The following LRRN1 variants were observed in gnomAD, a reference collection of about 807,000 sequenced individuals.
LRRN1 encodes leucine rich repeat neuronal 1.
Under a neutral mutation model 45.8 loss-of-function variants are expected in LRRN1, and 14 were observed. The observed-to-expected ratio is 0.31, with a 90% CI of 0.20 to 0.48. The LOEUF is 0.48. Among genes scored for constraint, LRRN1 ranks in the 20% least tolerant of loss-of-function variants. The probability of loss-of-function intolerance (pLI) is 0.99; values close to 1 mark genes in which losing one functional copy is unlikely to be tolerated. For synonymous variants in LRRN1, 359 were observed against 330.1 expected, an observed-to-expected ratio of 1.09 and a Z score of -0.95; for missense variants, 789 against 874.2, an observed-to-expected ratio of 0.90 and a Z score of 1.23.
intron 1 of LRRN1, among the ~76,000 whole-genome samples, chr3:3,841,569 A>C (rs1693655055): frequency 6.6e-6 from 1 of 151,850 alleles, no homozygotes; most frequent in Non-Finnish European, 1.5e-5. Context: ...CCCAGGCTGG[A>C]GTGCAGTGGC....
intron 1 of LRRN1, among the ~76,000 whole-genome samples, chr3:3,834,525 G>GCTATATATATATATATAT (rs1693444901): frequency 3.7e-5 from 1 of 27,310 alleles, no homozygotes; most frequent in Non-Finnish European, 9.9e-5. Context: ...GACAGAACAG[G>GCTATATATATATATATAT]ATATATATAT....
rs1486679548 is a variant in LRRN1, at chr3:3,845,157, C to T, written c.516C>T (p.Leu172=). 6 of 1,614,160 alleles carry T rather than the reference C, an allele frequency of 3.7e-6. No individual in the cohort carries two copies. In the African/African-American group the frequency reaches 8.0e-5, roughly 22 times the overall value. The part of the protein sequence containing the change: ...AFAGLKNLLR[L]HLNSNKLKVI... ...CAGGCTTAAAAAATCTATTAAGGCT[C>T]CACCTGAACTCCAACAAATTGAAAG... Residue 172 remains leucine (L), a synonymous_variant, in exon 2 of 2, where the codon CTC becomes CTT. Transcript: ENST00000319331. The surrounding 1 kb of genome is among the most constrained non-coding windows in gnomAD (Gnocchi z 6.5).
rs189495997 is a variant in LRRN1 at position 3,834,502 on chromosome 3, G to A, written c.-278-9862G>A. On this transcript the variant is annotated intron_variant, in intron 1 of 1. Transcript: ENST00000319331. ...TCCTGGTACCAAAATCTGTATTAGC[G>A]TTCTCTTAGAGGGACAGAACAGGAT... Among the ~76,000 whole-genome samples, 15 of 46,672 alleles carry A rather than the reference G, an allele frequency of 3.2e-4. 1 individual carries two copies. The highest frequency in any genetic ancestry group is 2.5e-3 in the Admixed American group (7 of 2,834). 30.6% of individuals were successfully genotyped at this position (46,672 alleles called of 152,430 possible).
chr3:3,809,684 C>T (rs1692837452), intron 1 of LRRN1, among the ~76,000 whole-genome samples: 3 of 152,186 alleles, frequency 2.0e-5, no homozygotes, highest in South Asian at 2.1e-4. Flanking sequence ...AGAACTGCTT[C>T]TCAGCTCTGT....
chr3:3,811,346 C>T (rs1412318578), intron 1 of LRRN1, among the ~76,000 whole-genome samples: 3 of 152,136 alleles, frequency 2.0e-5, no homozygotes, highest in Admixed American at 6.5e-5. Flanking sequence ...TTATTTACAT[C>T]CTGTAGTACC....
At chr3:3,839,891 G>A (rs1293651319) in intron 1 of LRRN1, among the ~76,000 whole-genome samples, 1 of 151,944 alleles carries the variant, frequency 6.6e-6, no homozygotes, top group Non-Finnish European at 1.5e-5. Context: ...GGGATCTTTA[G>A]GATTTTCTGT....
intron 1 of LRRN1, among the ~76,000 whole-genome samples, chr3:3,832,694 C>T (rs1693397394): frequency 6.6e-6 from 1 of 152,202 alleles, no homozygotes; most frequent in Non-Finnish European, 1.5e-5. Flanking sequence ...GGGACCCAGC[C>T]TCCCCTTCAT....
intron 1 of LRRN1, among the ~76,000 whole-genome samples, chr3:3,817,522 AT>A (rs1020857284): frequency 2.0e-5 from 3 of 152,166 alleles, no homozygotes; most frequent in Non-Finnish European, 4.4e-5. Context: ...CTGCCTTCAA[AT>A]TTTAAAGGAA....
intron 1 of LRRN1, among the ~76,000 whole-genome samples, chr3:3,834,646 C>T (rs185151535): frequency 7.2e-4 from 106 of 146,252 alleles, no homozygotes; most frequent in Non-Finnish European, 1.2e-3. Context: ...TATTAACATG[C>T]ATGATCACAA....
chr3:3,831,237 CTCTT>C (rs1051365111), intron 1 of LRRN1, among the ~76,000 whole-genome samples: 6 of 152,194 alleles, frequency 3.9e-5, no homozygotes, highest in Non-Finnish European at 8.8e-5. Context: ...GGCATTCTGC[CTCTT>C]TCTTGGTTGT....
rs778031893 is a variant in LRRN1 at position 3,848,908 on chromosome 3, A to G, written c.*2116A>G. On this transcript the variant is annotated 3_prime_UTR_variant, in exon 2 of 2. Transcript: ENST00000319331. ...TCAAGTTCCCATTTACTCAGGATACATTTTAGCACAGGGCAGATCAGACGG... is the reference window on the plus strand; with the variant it reads ...TCAAGTTCCCATTTACTCAGGATACGTTTTAGCACAGGGCAGATCAGACGG... 9.2e-5 allele frequency among the ~76,000 whole-genome samples: 14 copies of G among 152,226 alleles called. No individual in the cohort carries two copies. Among genetic ancestry groups the G allele is most frequent in the Non-Finnish European group, 1.8e-4 (12 of 68,042 alleles).
chr3:3,847,818 T>G lies in LRRN1; in HGVS notation c.*1026T>G. 1 of 165,990 alleles carries G rather than the reference T, an allele frequency of 6.0e-6. No individual in the cohort carries two copies. The highest frequency in any genetic ancestry group is 1.9e-4 in the East Asian group (1 of 5,202). 10.3% of individuals were successfully genotyped at this position (165,990 alleles called of 1,614,324 possible). On this transcript the variant is annotated 3_prime_UTR_variant, in exon 2 of 2. Transcript: ENST00000319331. ...TATTTTAATGAACAGGATTTCTGTA[T>G]TTTAAATAGTACTGACTAGCACCTA...
At chr3:3,810,513 C>T (rs1692850867) in intron 1 of LRRN1, among the ~76,000 whole-genome samples, 1 of 152,178 alleles carries the variant, frequency 6.6e-6, no homozygotes. Context: ...TAGAACAGTG[C>T]AGTTTAACCA....
intron 1 of LRRN1, among the ~76,000 whole-genome samples, chr3:3,828,341 T>C (rs566458145): frequency 6.6e-6 from 1 of 151,936 alleles, no homozygotes; most frequent in South Asian, 2.1e-4. Context: ...GGGAGAAAGA[T>C]GTAGGCTAGG....
At chr3:3,839,100 T>A (rs7610133) in intron 1 of LRRN1, among the ~76,000 whole-genome samples, 1 of 151,836 alleles carries the variant, frequency 6.6e-6, no homozygotes, top group Non-Finnish European at 1.5e-5. Flanking sequence ...TGAAGCTTTT[T>A]CCTTATGTTT....
chr3:3,825,390 G>C (rs1328139357), intron 1 of LRRN1, among the ~76,000 whole-genome samples: 1 of 152,152 alleles, frequency 6.6e-6, no homozygotes, highest in Admixed American at 6.6e-5. Context: ...GCCTGAAAGA[G>C]GAAGGAAAAT....
intron 1 of LRRN1, among the ~76,000 whole-genome samples, chr3:3,836,785 C>T (rs1296840911): frequency 2.0e-5 from 3 of 152,106 alleles, no homozygotes; most frequent in African/African-American, 7.2e-5. Context: ...CAAAACTCTC[C>T]CTAGACTACA....
intron 1 of LRRN1, among the ~76,000 whole-genome samples, chr3:3,809,699 T>C (rs1454618813): frequency 2.0e-5 from 3 of 152,192 alleles, no homozygotes; most frequent in African/African-American, 4.8e-5. Context: ...CTCTGTGATC[T>C]AGAGTGATTT....
intron 1 of LRRN1, among the ~76,000 whole-genome samples, chr3:3,835,843 G>C (rs1307903870): frequency 6.6e-6 from 1 of 151,714 alleles, no homozygotes; most frequent in Non-Finnish European, 1.5e-5. Context: ...TCAGAACAGA[G>C]TGTCCCAAAC....
Sources: gnomAD v4.1 joint callset for allele counts (sites outside exome capture counted in the v4.1 genomes callset) on GRCh38, gnomAD v4.1.1 for gene constraint, Gnocchi (gnomAD v3.1) non-coding constraint, MANE v1.5 for transcripts, NCBI Gene and HGNC (gene_info 2026-07-23, HGNC 2026-07-21) for gene names.